The following CDC42BPG variants were observed in gnomAD, a reference collection of about 807,000 sequenced individuals.
CDC42BPG encodes the protein serine/threonine-protein kinase MRCK gamma.
A neutral mutation model predicts 192.2 loss-of-function variants in CDC42BPG; 157 were observed. That is an observed-to-expected ratio of 0.82 (90% CI 0.72 to 0.93). CDC42BPG has a LOEUF of 0.93. CDC42BPG is among the 40% of genes least tolerant of loss of function. CDC42BPG has a pLI of 0.00. For synonymous variants in CDC42BPG, 981 were observed against 918.5 expected, an observed-to-expected ratio of 1.07 and a Z score of -1.23; for missense variants, 1,992 against 2,122.1, an observed-to-expected ratio of 0.94 and a Z score of 1.20.
Position 64,831,733 on chromosome 11 carries a change from G to A in CDC42BPG, c.3088-12C>T, listed in dbSNP as rs1403572731. The A allele has an allele frequency of 6.3e-7, 1 of 1,574,966 alleles. No homozygotes were observed. Among genetic ancestry groups the A allele is most frequent in the Non-Finnish European group, 8.6e-7 (1 of 1,164,268 alleles). ...TGGGAGGTTGTCACCTGTGGGCAAG[G>A]ACCCCAGCTGGAGGGCCGTGGACCA... On this transcript the variant is annotated splice_polypyrimidine_tract_variant and intron_variant, in intron 27 of 36. Transcript: ENST00000342711.
intron 23 of CDC42BPG, 57 bp downstream of exon 23, chr11:64,833,543 T>C (rs1400802272): frequency 6.6e-7 from 1 of 1,509,076 alleles, no homozygotes; most frequent in African/African-American, 1.4e-5. Context: ...ACAGTGCCCA[T>C]TCAGCCTGGC....
chr11:64,839,240 GT>G lies in CDC42BPG; in HGVS notation c.676-8del. On this transcript the variant is annotated splice_region_variant and splice_polypyrimidine_tract_variant and intron_variant, in intron 6 of 36. Transcript: ENST00000342711. ...CTGCCACTGATGAATCCACCTGTGG[GT>G]GGTGGTGGTGAAGCCATGAGGACAG... is the stretch of plus-strand genomic sequence containing the variant. 6.2e-7 allele frequency: 1 copy of G among 1,612,628 alleles called. No individual in the cohort carries two copies. Among genetic ancestry groups the G allele is most frequent in the Non-Finnish European group, 8.5e-7 (1 of 1,179,650 alleles).
At chr11:64,826,949 G>T in intron 34 of CDC42BPG, 101 bp downstream of exon 34, 1 of 1,158,236 alleles carries the variant, frequency 8.6e-7, no homozygotes. Flanking sequence ...CAGGCCTTAG[G>T]AGTAATTACA....
At position 64,827,569 on chromosome 11, in the gene CDC42BPG, T is replaced by G; in HGVS notation, c.4108A>C (p.Thr1370Pro). The change falls in exon 32 of 37, where the codon ACC (threonine) becomes CCC (proline). Residue 1370 changes from threonine (T) to proline (P), a missense_variant. Around this residue, in one of 2 missense-constraint regions of CDC42BPG, gnomAD observed 336 missense variants for 277.9 expected, o/e 1.21. Transcript: ENST00000342711. ...AGGTAGGTCAGGCGGACCTTCTCGG[T>G]GCCGTAGAGGAACAGGGAGCCCTCT... ...NPEGSLFLYG[T>P]EKVRLTYLRN... 1 of 1,612,450 alleles carries G rather than the reference T, an allele frequency of 6.2e-7. No homozygotes were observed.
At chr11:64,838,971 C>T in intron 7 of CDC42BPG, 62 bp downstream of exon 7, 1 of 1,611,404 alleles carries the variant, frequency 6.2e-7, no homozygotes, top group Non-Finnish European at 8.5e-7. Context: ...CCGGTACTTC[C>T]AACCACACAG....
chr11:64,840,496 A>G lies in CDC42BPG; in HGVS notation c.432+57T>C, dbSNP rs1336516855. 9 of 1,559,182 alleles carry G rather than the reference A, an allele frequency of 5.8e-6. No individual in the cohort carries two copies. In the African/African-American group the frequency reaches 1.2e-4, roughly 21 times the overall value. On this transcript the variant is annotated intron_variant, in intron 4 of 36. Transcript: ENST00000342711. ...TTTGGGCCCAGTGCCCCTGGCCCCA[A>G]GGGCCCTCTCCTGTGTCCCTAGGAT...
intron 27 of CDC42BPG, 72 bp downstream of exon 27, chr11:64,832,356 G>A (rs1942733950): frequency 4.7e-6 from 7 of 1,475,286 alleles, no homozygotes; most frequent in Middle Eastern, 3.6e-4. Flanking sequence ...ATGAAGTGGG[G>A]GGACAGTGGC....
At chr11:64,827,900 A>G in intron 30 of CDC42BPG, 117 bp from the exon 31 acceptor site, 1 of 824,888 alleles carries the variant, frequency 1.2e-6, no homozygotes, top group Non-Finnish European at 1.8e-6. Flanking sequence ...TCCTCTGAAG[A>G]CTCCCTGTCG....
In CDC42BPG at chr11:64,827,246, C is replaced by G. The variant is rs1942469476; in HGVS notation, c.4271+32G>C. The G allele has an allele frequency of 2.5e-6, 4 of 1,613,052 alleles. No homozygotes were observed. The African/African-American group carries it at 5.3e-5, about 22-fold the overall frequency. ...CGTCCACAAGCGGAGGCGGCCCCACCCAGCCTCAGCCCCCGCGTCGTGCAC... is the reference window on the plus strand; with the variant it reads ...CGTCCACAAGCGGAGGCGGCCCCACGCAGCCTCAGCCCCCGCGTCGTGCAC... On this transcript the variant is annotated intron_variant, in intron 33 of 36. Transcript: ENST00000342711.
Position 64,832,693 on chromosome 11 carries a change from G to T in CDC42BPG, c.2916C>A (p.Ala972=). 1 of 1,613,148 alleles carries T rather than the reference G, an allele frequency of 6.2e-7. No homozygotes were observed. The highest frequency in any genetic ancestry group is 1.1e-5 in the South Asian group (1 of 91,010). Residue 972 remains alanine (A), a synonymous_variant, in exon 26 of 37, where the codon GCC becomes GCA. Coordinates refer to ENST00000342711, the MANE Select transcript of CDC42BPG (RefSeq NM_017525.3). ...VRRGWQRVFA[A]LSDSRLLLFD... is the part of the protein sequence containing the mutation. The stretch of plus-strand genomic sequence containing the variant: ...ACAGCAGCAGGCGTGAGTCACTCAG[G>T]GCAGCAAACACGCGCTGCCAGCCCC...
chr11:64,831,361 G>A, intron 28 of CDC42BPG, 144 bp downstream of exon 28: 1 of 713,878 alleles, frequency 1.4e-6, no homozygotes, highest in Non-Finnish European at 2.3e-6. Flanking sequence ...GCACACAGGA[G>A]GCTGGAGCAC....
intron 11 of CDC42BPG, 71 bp downstream of exon 11, chr11:64,836,668 G>A (rs1480539615): frequency 6.0e-6 from 7 of 1,162,026 alleles, no homozygotes; most frequent in African/African-American, 1.6e-5. Flanking sequence ...AGCTTGTCCA[G>A]GGCAGGGCAG....
At position 64,827,292 on chromosome 11, in the gene CDC42BPG, C is replaced by A; in HGVS notation, c.4257G>T (p.Gln1419His). The A allele has an allele frequency of 6.2e-7, 1 of 1,613,932 alleles. No homozygotes were observed. The highest frequency in any genetic ancestry group is 8.5e-7 in the Non-Finnish European group (1 of 1,179,910). ...TGCACGCGCACCTGCGCTGCTGCTT[C>A]TGCTGCTCCTCCGACACGCGGAAAA... ...RFFFRVSEEQQKQQRREMLKD... is the reference protein window; with the variant it reads ...RFFFRVSEEQHKQQRREMLKD... Residue 1419 changes from glutamine to histidine, a missense_variant, in exon 33 of 37, where the codon CAG becomes CAT. Around this residue, in one of 2 missense-constraint regions of CDC42BPG, gnomAD observed 336 missense variants for 277.9 expected, o/e 1.21. Coordinates refer to ENST00000342711, the MANE Select transcript of CDC42BPG (RefSeq NM_017525.3).
At position 64,838,310 on chromosome 11, in the gene CDC42BPG, G is replaced by A. The variant is rs572608899; in HGVS notation, c.1126-148C>T. 56 of 634,496 alleles carry A rather than the reference G, an allele frequency of 8.8e-5. 1 individual carries two copies. Among genetic ancestry groups the A allele is most frequent in the Non-Finnish European group, 1.4e-4 (51 of 363,304 alleles). 39.3% of individuals were successfully genotyped at this position (634,496 alleles called of 1,614,324 possible). A position where few individuals can be genotyped will look rare whatever the true frequency, so the allele number is the denominator to read the frequency against. ...ACAGCCCAACCCAAACAAACCCCCA[G>A]CTCCCACAAGTCTCCTAGGAGCTGC... On this transcript the variant is annotated intron_variant, in intron 8 of 36. Transcript: ENST00000342711.
chr11:64,836,720 G>GA lies in CDC42BPG; in HGVS notation c.1384+18_1384+19insT. On this transcript the variant is annotated intron_variant, in intron 11 of 36. Coordinates refer to ENST00000342711, the MANE Select transcript of CDC42BPG (RefSeq NM_017525.3). ...GGACTCAGCCCTGGGGGGGGGGGGGGGGTGGGCGGAAGGGATACCTGGCAG... is the reference window on the plus strand; with the variant it reads ...GGACTCAGCCCTGGGGGGGGGGGGGGAGGTGGGCGGAAGGGATACCTGGCAG... The GA allele has an allele frequency of 3.6e-6, 3 of 843,822 alleles. No individual in the cohort carries two copies. Among genetic ancestry groups the GA allele is most frequent in the Non-Finnish European group, 5.1e-6 (3 of 584,546 alleles). The allele number at this position is 843,822 out of a possible 1,614,324, so 52.3% of individuals were successfully genotyped here.
At chr11:64,834,813 C>T (rs1157039539) in intron 18 of CDC42BPG, 36 bp downstream of exon 18, 42 of 1,591,540 alleles carry the variant, frequency 2.6e-5, no homozygotes, top group Non-Finnish European at 3.6e-5. Flanking sequence ...CAGTGACTTG[C>T]CCAAGCCAGC....
In CDC42BPG at chr11:64,836,206, G is replaced by A; in HGVS notation, c.1579C>T (p.Gln527Ter). 6.3e-7 allele frequency: 1 copy of A among 1,599,080 alleles called. No homozygotes were observed. The highest frequency in any genetic ancestry group is 8.5e-7 in the Non-Finnish European group (1 of 1,174,816). ...GQQEELLQRL[Q>*]EAQEREAATA... ...GCCGCCTCTCTCTCCTGGGCCTCCT[G>A]TAGCCTCTGAAGCAGCTCCTCCTGC... Residue 527 changes from glutamine (Q) to a stop codon, truncating the protein, a stop_gained, in exon 13 of 37, where the codon CAG becomes TAG. Coordinates refer to ENST00000342711, the MANE Select transcript of CDC42BPG (RefSeq NM_017525.3). LOFTEE classifies it high-confidence loss of function.
intron 7 of CDC42BPG, 59 bp from the exon 8 acceptor site, chr11:64,838,961 C>T (rs1943151268): frequency 1.2e-6 from 2 of 1,610,242 alleles, no homozygotes. Flanking sequence ...GCCTCACCTG[C>T]CGGTACTTCC....
At chr11:64,840,517 A>T in intron 4 of CDC42BPG, 36 bp downstream of exon 4, 2 of 1,596,782 alleles carry the variant, frequency 1.3e-6, no homozygotes, top group Non-Finnish European at 1.7e-6. Flanking sequence ...CTGTGTCCCT[A>T]GGATGTTCCC....
Sources: allele counts gnomAD v4.1 joint callset, GRCh38; gene constraint gnomAD v4.1.1; regional missense constraint gnomAD v4.1.1; transcripts MANE v1.5; gene names NCBI Gene and HGNC (gene_info 2026-07-23, HGNC 2026-07-21).